ACAD11: variants seen among roughly 807,000 people sequenced by gnomAD.
ACAD11 encodes acyl-CoA dehydrogenase family member 11, also known as acyl-Coenzyme A dehydrogenase family, member 11.
A neutral mutation model predicts 102.2 loss-of-function variants in ACAD11; 83 were observed. That is an observed-to-expected ratio of 0.81 (90% CI 0.68 to 0.97). ACAD11 has a LOEUF of 0.97. Among genes scored for constraint, ACAD11 ranks in the 50% least tolerant of loss-of-function variants. The pLI is 0.00. For synonymous variants in ACAD11, 324 were observed against 319.8 expected, an observed-to-expected ratio of 1.01 and a Z score of -0.14; for missense variants, 901 against 951.7, an observed-to-expected ratio of 0.95 and a Z score of 0.70.
intron 9 of ACAD11, 145 bp downstream of exon 9, chr3:132,626,546 G>C: frequency 1.2e-6 from 1 of 851,704 alleles, no homozygotes; most frequent in Non-Finnish European, 1.8e-6. Context: ...TTGTTCTATC[G>C]TGGCTTAGTT....
intron 1 of ACAD11, among the ~76,000 whole-genome samples, chr3:132,658,811 A>G (rs956358733): frequency 6.6e-6 from 1 of 152,220 alleles, no homozygotes; most frequent in African/African-American, 2.4e-5. Context: ...TGCAATTTTT[A>G]CGCCCTTTCA....
chr3:132,589,651 C>T (rs1379381454), intron 13 of ACAD11, among the ~76,000 whole-genome samples: 1 of 152,142 alleles, frequency 6.6e-6, no homozygotes, highest in African/African-American at 2.4e-5. Context: ...TTCTGAAAAT[C>T]AGATTAGGAC....
At chr3:132,628,825 G>C (rs911581117) in intron 7 of ACAD11, among the ~76,000 whole-genome samples, 2 of 152,052 alleles carry the variant, frequency 1.3e-5, no homozygotes, top group Non-Finnish European at 2.9e-5. Context: ...AAATCAAAAG[G>C]AAGACAATGA....
chr3:132,616,938 A>G (rs533032624), intron 11 of ACAD11, among the ~76,000 whole-genome samples: 44 of 152,342 alleles, frequency 2.9e-4, no homozygotes, highest in African/African-American at 1.1e-3. Context: ...AACTATTTTA[A>G]TGATGCCAAA....
At chr3:132,624,778 C>A (rs1023305887) in intron 9 of ACAD11, among the ~76,000 whole-genome samples, 3 of 151,588 alleles carry the variant, frequency 2.0e-5, no homozygotes, top group African/African-American at 7.3e-5. Flanking sequence ...CCTCTGCCTC[C>A]CAGGTTCAAG....
chr3:132,650,050 T>C (rs1940877369), intron 1 of ACAD11: 1 of 152,184 alleles, frequency 6.6e-6, no homozygotes, highest in Admixed American at 6.5e-5. Context: ...GGCATAGAAG[T>C]ACAAAGCTGG....
chr3:132,569,767 A>G (rs146907439), intron 17 of ACAD11, among the ~76,000 whole-genome samples: 5 of 152,168 alleles, frequency 3.3e-5, no homozygotes, highest in Non-Finnish European at 5.9e-5. Context: ...AAATTGTAAA[A>G]TGAAGAACAG....
At chr3:132,659,373 A>C (rs1487003803) in intron 1 of ACAD11, 4 of 548,896 alleles carry the variant, frequency 7.3e-6, no homozygotes, top group Non-Finnish European at 9.3e-6. Context: ...ATTCCTTTGG[A>C]TAGTAGAATG....
At chr3:132,571,902 C>T (rs989257020) in intron 17 of ACAD11, among the ~76,000 whole-genome samples, 6 of 152,068 alleles carry the variant, frequency 3.9e-5, no homozygotes, top group Non-Finnish European at 8.8e-5. Flanking sequence ...ACTAGGTATT[C>T]GAGGAACATA....
intron 12 of ACAD11, 136 bp downstream of exon 12, chr3:132,604,962 A>C: frequency 5.4e-6 from 3 of 558,926 alleles, no homozygotes; most frequent in Non-Finnish European, 9.4e-6. Context: ...AACAGGCTCA[A>C]AATAAACATA....
intron 9 of ACAD11, among the ~76,000 whole-genome samples, chr3:132,624,554 G>A (rs1409680843): frequency 1.3e-5 from 2 of 149,112 alleles, no homozygotes; most frequent in East Asian, 2.0e-4. Context: ...GCAGTGGGCC[G>A]AGATGGTGCC....
intron 11 of ACAD11, among the ~76,000 whole-genome samples, chr3:132,614,799 G>A (rs1939334361): frequency 6.6e-6 from 1 of 152,028 alleles, no homozygotes; most frequent in South Asian, 2.1e-4. Context: ...CAAAAGCAAT[G>A]GCAACAAAAG....
intron 17 of ACAD11, among the ~76,000 whole-genome samples, chr3:132,567,170 G>C (rs146512917): frequency 0.015 from 2,281 of 152,100 alleles, 71 homozygotes; most frequent in African/African-American, 0.053. Flanking sequence ...GTAGAAACAG[G>C]GTTTCACCAT....
At chr3:132,571,861 G>A (rs938430799) in intron 17 of ACAD11, among the ~76,000 whole-genome samples, 1 of 152,104 alleles carries the variant, frequency 6.6e-6, no homozygotes, top group Non-Finnish European at 1.5e-5. Flanking sequence ...CAACACCTCT[G>A]CTAAACTTTT....
At chr3:132,580,730 G>C (rs1163998608) in intron 13 of ACAD11, among the ~76,000 whole-genome samples, 1 of 151,964 alleles carries the variant, frequency 6.6e-6, no homozygotes, top group Admixed American at 6.6e-5. Flanking sequence ...CATGATGTCT[G>C]AGATTTATTT....
At position 132,637,927 on chromosome 3, in the gene ACAD11, A is replaced by G. The variant is rs141653593; in HGVS notation, c.702+1565T>C. Among the ~76,000 whole-genome samples, 903 of 152,308 alleles carry G rather than the reference A, an allele frequency of 5.9e-3. 11 individuals carry two copies. Among genetic ancestry groups the G allele is most frequent in the African/African-American group, 0.021 (859 of 41,570 alleles). ...TGTTGTTTTAAAAATAAAAACCAAA[A>G]AACATCAAACCCTAAACATTACAGA... On this transcript the variant is annotated intron_variant, in intron 5 of 19. Transcript: ENST00000264990.
intron 5 of ACAD11, among the ~76,000 whole-genome samples, chr3:132,637,455 G>A (rs969339643): frequency 2.6e-5 from 4 of 152,122 alleles, no homozygotes; most frequent in African/African-American, 9.7e-5. Context: ...CAGGGAAGAT[G>A]CAGAGAAATA....
At chr3:132,644,919 AAG>A in intron 1 of ACAD11, 23 bp from the exon 2 acceptor site, 1 of 1,419,682 alleles carries the variant, frequency 7.0e-7, no homozygotes, top group South Asian at 1.2e-5. Flanking sequence ...AAAAAAAAAA[AAG>A]GTCAATTACA....
chr3:132,582,322 C>T (rs1347023955), intron 13 of ACAD11, among the ~76,000 whole-genome samples: 1 of 146,166 alleles, frequency 6.8e-6, no homozygotes, highest in Non-Finnish European at 1.5e-5. Context: ...AACCAGAGAA[C>T]TACAAACAGA....
Sources: gnomAD v4.1 joint callset for allele counts (sites outside exome capture counted in the v4.1 genomes callset) on GRCh38, gnomAD v4.1.1 for gene constraint, MANE v1.5 for transcripts, NCBI Gene and HGNC (gene_info 2026-07-23, HGNC 2026-07-21) for gene names.